The following ZNF423 variants were observed in gnomAD, a reference collection of about 807,000 sequenced individuals.
The protein encoded by ZNF423 is zinc finger protein 423, also known as Ebf-associated zinc finger protein.
In ZNF423, 12 loss-of-function variants were observed where a neutral mutation model predicts 95.8. The observed-to-expected ratio is 0.13, with a 90% CI of 0.08 to 0.20. ZNF423 has a LOEUF of 0.20. Ranked by LOEUF, ZNF423 falls within the 10% of genes least tolerant of loss-of-function variation. ZNF423 has a pLI of 1.00. For synonymous variants in ZNF423, 749 were observed against 711.9 expected, an observed-to-expected ratio of 1.05 and a Z score of -0.83; for missense variants, 1,316 against 1,737.1, an observed-to-expected ratio of 0.76 and a Z score of 4.31.
chr16:49,826,594 G>A (rs544350555), intron 1 of ZNF423, among the ~76,000 whole-genome samples: 33 of 152,334 alleles, frequency 2.2e-4, no homozygotes, highest in African/African-American at 7.0e-4. Context: ...ACCTCATAGA[G>A]TTGCTGTGAG....
chr16:49,512,750 C>A (rs182413396), intron 7 of ZNF423, among the ~76,000 whole-genome samples: 57 of 152,308 alleles, frequency 3.7e-4, no homozygotes, highest in African/African-American at 1.4e-3. Flanking sequence ...AGGTCTTACC[C>A]CATTTAACAG....
At chr16:49,646,697 C>T (rs996508454) in intron 3 of ZNF423, among the ~76,000 whole-genome samples, 9 of 151,654 alleles carry the variant, frequency 5.9e-5, no homozygotes, top group African/African-American at 2.2e-4. Flanking sequence ...GGTAGGAATC[C>T]TGAGTAGCTG....
intron 3 of ZNF423, among the ~76,000 whole-genome samples, chr16:49,689,459 G>GA (rs1012264509): frequency 8.6e-5 from 13 of 150,352 alleles, no homozygotes; most frequent in East Asian, 1.9e-4. Flanking sequence ...GCCTCAAAAA[G>GA]AAAAAAAAAG....
intron 3 of ZNF423, among the ~76,000 whole-genome samples, chr16:49,680,975 G>A (rs986365134): frequency 6.6e-6 from 1 of 152,204 alleles, no homozygotes; most frequent in Non-Finnish European, 1.5e-5. Flanking sequence ...ACAGGTATGA[G>A]CCACCATGCC....
At chr16:49,498,805 A>C (rs10852596) in intron 7 of ZNF423, among the ~76,000 whole-genome samples, 67,612 of 151,774 alleles carry the variant, frequency 0.45, 15,926 homozygotes, top group African/African-American at 0.61. Context: ...TTTTTAGAAG[A>C]ATTTGACAAT....
At chr16:49,712,486 G>T (rs1274827108) in intron 3 of ZNF423, among the ~76,000 whole-genome samples, 3 of 152,232 alleles carry the variant, frequency 2.0e-5, no homozygotes, top group Non-Finnish European at 4.4e-5. Flanking sequence ...AGGGGCTGAG[G>T]GTTGGCCCCC....
At chr16:49,720,413 G>A (rs558356070) in intron 3 of ZNF423, among the ~76,000 whole-genome samples, 9 of 152,266 alleles carry the variant, frequency 5.9e-5, no homozygotes, top group African/African-American at 2.2e-4. Context: ...CACCCTGGGA[G>A]CTGCAATCCC....
At chr16:49,584,718 C>T (rs1376300650) in intron 5 of ZNF423, among the ~76,000 whole-genome samples, 1 of 152,188 alleles carries the variant, frequency 6.6e-6, no homozygotes, top group Non-Finnish European at 1.5e-5. Context: ...TCCCTGATGT[C>T]TCTCTGTCCA....
At chr16:49,756,187 T>C (rs142039430) in intron 2 of ZNF423, among the ~76,000 whole-genome samples, 249 of 152,230 alleles carry the variant, frequency 1.6e-3, no homozygotes, top group African/African-American at 5.7e-3. Flanking sequence ...CAAAACGGAC[T>C]TGCTGTTTTG....
chr16:49,754,124 ATAAAGAAACGGGGAGAAGT>A (rs2033682574), intron 2 of ZNF423, among the ~76,000 whole-genome samples: 1 of 151,970 alleles, frequency 6.6e-6, no homozygotes, highest in Non-Finnish European at 1.5e-5. Context: ...GTGGGGTTTC[ATAAAGAAACGGGGAGAAGT>A]TTGGCTTTAG....
intron 3 of ZNF423, among the ~76,000 whole-genome samples, chr16:49,641,989 T>C (rs932408311): frequency 1.3e-5 from 2 of 152,192 alleles, no homozygotes; most frequent in African/African-American, 4.8e-5. Context: ...AACAAGTGAA[T>C]TTTATGGTAT....
At chr16:49,584,917 T>C in intron 5 of ZNF423, among the ~76,000 whole-genome samples, 1 of 152,208 alleles carries the variant, frequency 6.6e-6, no homozygotes, top group East Asian at 1.9e-4. Context: ...TCTCTGTTAT[T>C]CCGGAAGGAA....
At chr16:49,643,671 A>T (rs1479827799) in intron 3 of ZNF423, among the ~76,000 whole-genome samples, 1 of 151,614 alleles carries the variant, frequency 6.6e-6, no homozygotes, top group Non-Finnish European at 1.5e-5. Context: ...GAACTATAAC[A>T]AAAATGAGTT....
At chr16:49,675,435 G>C (rs1187208291) in intron 3 of ZNF423, among the ~76,000 whole-genome samples, 1 of 152,070 alleles carries the variant, frequency 6.6e-6, no homozygotes, top group Admixed American at 6.5e-5. Flanking sequence ...CCTCCCTGCT[G>C]GGGTGATAAC....
intron 1 of ZNF423, among the ~76,000 whole-genome samples, chr16:49,828,760 C>A (rs898284270): frequency 6.6e-6 from 1 of 152,210 alleles, no homozygotes; most frequent in East Asian, 1.9e-4. Context: ...GTCCCGCCCA[C>A]GCACACGCAG....
chr16:49,665,713 G>A (rs573359448), intron 3 of ZNF423, among the ~76,000 whole-genome samples: 1 of 152,030 alleles, frequency 6.6e-6, no homozygotes, highest in South Asian at 2.1e-4. Flanking sequence ...CCCCCCATCA[G>A]CACCTCTGGA....
chr16:49,818,359 A>C (rs1290296139), intron 1 of ZNF423, among the ~76,000 whole-genome samples: 1 of 152,146 alleles, frequency 6.6e-6, no homozygotes, highest in Non-Finnish European at 1.5e-5. Flanking sequence ...GGCTGACCCC[A>C]TGCTGTCCAA....
intron 3 of ZNF423, among the ~76,000 whole-genome samples, chr16:49,690,952 G>C (rs1002612558): frequency 6.6e-6 from 1 of 152,202 alleles, no homozygotes; most frequent in Non-Finnish European, 1.5e-5. Context: ...CCGCAGGCCT[G>C]GGGAGCGTGT....
chr16:49,602,510 G>A (rs938658991), intron 5 of ZNF423, among the ~76,000 whole-genome samples: 2 of 152,040 alleles, frequency 1.3e-5, no homozygotes, highest in Non-Finnish European at 2.9e-5. Context: ...CGAGTTTCGG[G>A]TGGGGGGCAG....
Sources: gnomAD v4.1 joint callset for allele counts (sites outside exome capture counted in the v4.1 genomes callset) on GRCh38, gnomAD v4.1.1 for gene constraint, MANE v1.5 for transcripts, NCBI Gene and HGNC (gene_info 2026-07-23, HGNC 2026-07-21) for gene names.